SLC28A1: variants seen among roughly 807,000 people sequenced by gnomAD.
SLC28A1 encodes the protein solute carrier family 28 member 1, also known as sodium/nucleoside cotransporter 1.
SLC28A1 carries 64 observed loss-of-function variants against 74.8 expected under a neutral mutation model. The observed-to-expected ratio is 0.86, with a 90% confidence interval of 0.70 to 1.05. SLC28A1 has a LOEUF of 1.05. SLC28A1 is among the 50% of genes least tolerant of loss of function. The pLI is 0.00. For missense variants in SLC28A1, 828 were observed against 822.8 expected (o/e 1.01, Z -0.08); for synonymous variants, 359 against 335.0 (o/e 1.07, Z -0.78).
At chr15:84,908,944 G>A (rs1403849011) in intron 9 of SLC28A1, 149 bp downstream of exon 9, 8 of 710,966 alleles carry the variant, frequency 1.1e-5, no homozygotes, top group Non-Finnish European at 2.0e-5. Flanking sequence ...TGAACCTTAA[G>A]CCTGGGGCCC....
rs759942291 is a variant in SLC28A1, at chr15:84,921,072, G to A, written c.957+3G>A. 3 of 1,611,180 alleles carry A rather than the reference G, an allele frequency of 1.9e-6. No homozygotes were observed. Among genetic ancestry groups the A allele is most frequent in the African/African-American group, 2.7e-5 (2 of 74,844 alleles). On this transcript the variant is annotated splice_donor_region_variant and intron_variant, in intron 11 of 18. Coordinates refer to ENST00000394573, the MANE Select transcript of SLC28A1 (RefSeq NM_004213.5). ...CTGGAAACATCTTTGTGAGCCAGGT[G>A]GGTATGGAAGCCTCCTACCCTCATG... is the stretch of plus-strand genomic sequence containing the variant.
At chr15:84,932,491 G>C (rs28703942) in intron 12 of SLC28A1, among the ~76,000 whole-genome samples, 2,345 of 152,256 alleles carry the variant, frequency 0.015, 64 homozygotes, top group African/African-American at 0.052. Flanking sequence ...CTGTCATAGA[G>C]GCAGATTTCC....
chr15:84,943,139 T>C (rs1972899906), intron 15 of SLC28A1, among the ~76,000 whole-genome samples: 1 of 152,098 alleles, frequency 6.6e-6, no homozygotes, highest in Non-Finnish European at 1.5e-5. Context: ...TGGGCTGAGA[T>C]TGTGCCACTG....
chr15:84,904,048 G>A (rs1385300599), intron 6 of SLC28A1, 49 bp from the exon 7 acceptor site: 12 of 1,613,406 alleles, frequency 7.4e-6, no homozygotes, highest in East Asian at 2.2e-5. Flanking sequence ...GTGTGGGTGG[G>A]GTGGGGGTGC....
At chr15:84,894,099 C>T (rs1034740090) in intron 5 of SLC28A1, among the ~76,000 whole-genome samples, 10 of 152,244 alleles carry the variant, frequency 6.6e-5, no homozygotes, top group East Asian at 1.9e-4. Context: ...AGGCCGGGCG[C>T]GGTGGCTTAC....
chr15:84,895,778 G>C (rs1965936619), intron 6 of SLC28A1: 1 of 1,186,906 alleles, frequency 8.4e-7, no homozygotes, highest in Admixed American at 4.0e-5. Flanking sequence ...AGTTTCTATG[G>C]CTTAAAAAAA....
chr15:84,912,806 G>GCGCA (rs764101004), intron 9 of SLC28A1, among the ~76,000 whole-genome samples: 4,405 of 112,062 alleles, frequency 0.039, 66 homozygotes, highest in Admixed American at 0.064. Flanking sequence ...TTGCGCGCGC[G>GCGCA]CACACACACA....
At chr15:84,908,426 C>T (rs920789959) in intron 8 of SLC28A1, among the ~76,000 whole-genome samples, 9 of 152,108 alleles carry the variant, frequency 5.9e-5, no homozygotes, top group East Asian at 1.9e-4. Flanking sequence ...TCAGGTGATC[C>T]GCCTGCCTCA....
intron 9 of SLC28A1, among the ~76,000 whole-genome samples, chr15:84,913,063 C>A (rs1968579241): frequency 6.6e-6 from 1 of 152,060 alleles, no homozygotes; most frequent in South Asian, 2.1e-4. Context: ...AATGCTGAGG[C>A]CATTCTGGGC....
intron 2 of SLC28A1, 159 bp from the exon 3 acceptor site, chr15:84,887,586 G>T (rs1031064502): frequency 2.0e-6 from 2 of 985,248 alleles, no homozygotes; most frequent in African/African-American, 3.5e-5. Context: ...CACAAGGAGG[G>T]GTGAGCTCTG....
Position 84,912,504 on chromosome 15 carries a change from C to T in SLC28A1, c.795+3709C>T, listed in dbSNP as rs536760958. Among the ~76,000 whole-genome samples, 8 of 152,252 alleles carry T rather than the reference C, an allele frequency of 5.3e-5. No individual in the cohort carries two copies. In the East Asian group the frequency reaches 9.7e-4, roughly 18 times the overall value. On this transcript the variant is annotated intron_variant, in intron 9 of 18. Coordinates refer to ENST00000394573, the MANE Select transcript of SLC28A1 (RefSeq NM_004213.5). Reference sequence around the variant, plus strand: ...TCCAGCACAGTGGACGTGGCAGTCACCCCTTGGCTGTATCAGCTGGATTAG... The same window carrying T: ...TCCAGCACAGTGGACGTGGCAGTCATCCCTTGGCTGTATCAGCTGGATTAG...
At chr15:84,906,597 C>G (rs1170130368) in intron 8 of SLC28A1, among the ~76,000 whole-genome samples, 10 of 143,724 alleles carry the variant, frequency 7.0e-5, no homozygotes, top group South Asian at 4.6e-4. Flanking sequence ...TTCCTTCCTT[C>G]CTTCCTTCCT....
chr15:84,924,246 T>C, intron 12 of SLC28A1, 136 bp downstream of exon 12: 1 of 1,090,902 alleles, frequency 9.2e-7, no homozygotes, highest in South Asian at 1.3e-5. Context: ...GAGGAGTGGC[T>C]TCCCCTGAGC....
Position 84,887,844 on chromosome 15 carries a change from C to A in SLC28A1, c.84C>A (p.Phe28Leu). 1 of 1,612,484 alleles carries A rather than the reference C, an allele frequency of 6.2e-7. No homozygotes were observed. The change falls in exon 3 of 19, where the codon TTC (phenylalanine) becomes TTA (leucine). Residue 28 changes from phenylalanine (F) to leucine (L), a missense_variant. Transcript: ENST00000394573. Reference sequence around the variant, plus strand: ...GTCTGGAGAACATGGGGGCTGATTTCTTGGAAAGCCTGGTCTGTACCCTTC... The same window carrying A: ...GTCTGGAGAACATGGGGGCTGATTTATTGGAAAGCCTGGTCTGTACCCTTC... ...AKGLENMGAD[F>L]LESLEEGQLP... is the part of the protein sequence containing the mutation.
chr15:84,898,551 C>T lies in SLC28A1; in HGVS notation c.461+3428C>T, dbSNP rs576691994. 2.7e-5 allele frequency among the ~76,000 whole-genome samples: 4 copies of T among 147,762 alleles called. No homozygotes were observed. In the East Asian group the frequency reaches 7.9e-4, roughly 29 times the overall value. On this transcript the variant is annotated intron_variant, in intron 6 of 18. Transcript: ENST00000394573. ...CTGAGATCTCGCCACTGCACTCCAGCCTGGGCGACAGAGCAAGACTCCATC... is the reference window on the plus strand; with the variant it reads ...CTGAGATCTCGCCACTGCACTCCAGTCTGGGCGACAGAGCAAGACTCCATC...
At chr15:84,960,103 A>G in the SLC28A1 span, among the ~76,000 whole-genome samples, 9 of 152,250 alleles carry the variant, frequency 5.9e-5, no homozygotes, top group Non-Finnish European at 1.3e-4. Context: ...CACATAGGGT[A>G]GAGAAAATTC....
At chr15:84,893,662 T>C (rs1049614959) in intron 5 of SLC28A1, among the ~76,000 whole-genome samples, 1 of 152,118 alleles carries the variant, frequency 6.6e-6, no homozygotes, top group African/African-American at 2.4e-5. Flanking sequence ...CAGGTGGCCA[T>C]GGCGACCCCC....
chr15:84,886,125 T>G (rs12909280), intron 1 of SLC28A1: 204,005 of 984,082 alleles, frequency 0.21, 22,394 homozygotes, highest in Non-Finnish European at 0.22. Context: ...TGCACACCGT[T>G]GGCTTAGGTA....
intron 12 of SLC28A1, among the ~76,000 whole-genome samples, chr15:84,926,048 GT>G (rs577872644): frequency 8.4e-5 from 12 of 143,254 alleles, no homozygotes; most frequent in South Asian, 2.2e-4. Flanking sequence ...ATAATATTTT[GT>G]TTTTTTATTT....
Sources: gnomAD v4.1 joint callset for allele counts (sites outside exome capture counted in the v4.1 genomes callset) on GRCh38, gnomAD v4.1.1 for gene constraint, MANE v1.5 for transcripts, NCBI Gene and HGNC (gene_info 2026-07-23, HGNC 2026-07-21) for gene names.